The following ZNF709 variants were observed in gnomAD, a reference collection of about 807,000 sequenced individuals.
The protein encoded by ZNF709 is zinc finger protein 709.
ZNF709 carries 15 observed loss-of-function variants against 10.6 expected under a neutral mutation model. The observed-to-expected ratio is 1.41, with a 90% CI of 0.95 to 2.18. ZNF709 has a LOEUF of 2.18. ZNF709 is among the 30% of genes most tolerant of loss of function. The pLI, the probability that ZNF709 is intolerant of heterozygous loss-of-function variation, is 0.00. For synonymous variants in ZNF709, 194 were observed against 238.8 expected, an observed-to-expected ratio of 0.81 and a Z score of 1.73; for missense variants, 589 against 774.0, an observed-to-expected ratio of 0.76 and a Z score of 2.84.
intron 1 of ZNF709, among the ~76,000 whole-genome samples, chr19:12,474,128 C>A (rs1014764218): frequency 7.9e-5 from 12 of 152,128 alleles, no homozygotes; most frequent in Non-Finnish European, 1.3e-4. Flanking sequence ...AGGTACTATG[C>A]CATATAGTAG....
intron 1 of ZNF709, among the ~76,000 whole-genome samples, chr19:12,473,347 C>T (rs1415605296): frequency 5.3e-5 from 8 of 152,266 alleles, no homozygotes; most frequent in Middle Eastern, 3.4e-3. Flanking sequence ...TCCACTAATA[C>T]TCATGTATTT....
intron 3 of ZNF709, 69 bp from the exon 4 acceptor site, chr19:12,465,802 G>T (rs1970565433): frequency 8.3e-7 from 1 of 1,199,158 alleles, no homozygotes; most frequent in Non-Finnish European, 1.1e-6. Flanking sequence ...TATAATTATT[G>T]ATTATTTCAC....
At chr19:12,467,565 C>A (rs1324493708) in intron 1 of ZNF709, among the ~76,000 whole-genome samples, 1 of 152,184 alleles carries the variant, frequency 6.6e-6, no homozygotes, top group Non-Finnish European at 1.5e-5. Context: ...GCTGCCACCC[C>A]GTCTGGGAAG....
intron 1 of ZNF709, among the ~76,000 whole-genome samples, chr19:12,484,155 T>G (rs4804706): frequency 0.26 from 39,614 of 152,016 alleles, 5,331 homozygotes; most frequent in South Asian, 0.37. Flanking sequence ...ATCTAGAAAT[T>G]TAGGGATTTA....
At chr19:12,466,279 G>C (rs1019131487) in intron 3 of ZNF709, among the ~76,000 whole-genome samples, 183 bp downstream of exon 3, 10 of 152,060 alleles carry the variant, frequency 6.6e-5, no homozygotes, top group Non-Finnish European at 1.2e-4. Flanking sequence ...TTGTTTCCAG[G>C]TGAAATATTT....
chr19:12,481,910 T>TAAA (rs34258868), intron 1 of ZNF709, among the ~76,000 whole-genome samples: 1 of 118,190 alleles, frequency 8.5e-6, no homozygotes, highest in Non-Finnish European at 1.7e-5. Flanking sequence ...GACACTGACT[T>TAAA]AAAAAAAAAA....
In ZNF709 at chr19:12,461,237, G is replaced by A. The variant is rs1599629696; in HGVS notation, c.*2759C>T. ...TCCTTGCAGAAAATTAAATAGACAA[G>A]TGATAGCATACAAGTTATTTGAAAA... On this transcript the variant is annotated 3_prime_UTR_variant, in exon 4 of 4. Transcript: ENST00000397732. 1 of 152,250 alleles carries A rather than the reference G, an allele frequency of 6.6e-6. No homozygotes were observed. The highest frequency in any genetic ancestry group is 1.9e-4 in the East Asian group (1 of 5,192). The allele number at this position is 152,250 out of a possible 1,614,324, so 9.4% of individuals were successfully genotyped here. A position where few individuals can be genotyped will look rare whatever the true frequency, so the allele number is the denominator to read the frequency against.
intron 1 of ZNF709, among the ~76,000 whole-genome samples, chr19:12,467,738 C>A (rs865957236): frequency 2.0e-5 from 3 of 151,174 alleles, no homozygotes; most frequent in African/African-American, 4.9e-5. Flanking sequence ...AGGTGGGGAG[C>A]GCCTCTGCCC....
At chr19:12,484,422 G>A (rs1423935406) in intron 1 of ZNF709, among the ~76,000 whole-genome samples, 2 of 152,196 alleles carry the variant, frequency 1.3e-5, no homozygotes, top group East Asian at 3.9e-4. Flanking sequence ...AGGGCTCCGG[G>A]ACTGGGGCCG....
intron 1 of ZNF709, among the ~76,000 whole-genome samples, chr19:12,479,042 C>T (rs1363399914): frequency 3.9e-5 from 6 of 152,182 alleles, no homozygotes; most frequent in African/African-American, 1.4e-4. Context: ...GTGGTTTATA[C>T]CTATAACACC....
chr19:12,482,530 C>G (rs1379458835), intron 1 of ZNF709, among the ~76,000 whole-genome samples: 1 of 152,144 alleles, frequency 6.6e-6, no homozygotes, highest in Non-Finnish European at 1.5e-5. Context: ...CCAGTTCATT[C>G]ATCCTGTGTC....
rs760281021 is a variant in ZNF709 at position 12,464,699 on chromosome 19, C to A, written c.1223G>T (p.Arg408Leu). The part of the protein sequence containing the change: ...GKAFSCSSSF[R>L]MHERTHTGEK... ...TCCAGTGTGAGTTCTTTCATGCATT[C>A]GAAAGGAACTGGAACAACTGAAGGC... The change falls in exon 4 of 4, where the codon CGA (arginine) becomes CTA (leucine). Residue 408 changes from arginine (R) to leucine (L), a missense_variant. Transcript: ENST00000397732. The A allele has an allele frequency of 6.2e-7, 1 of 1,613,520 alleles. No individual in the cohort carries two copies. Among genetic ancestry groups the A allele is most frequent in the Non-Finnish European group, 8.5e-7 (1 of 1,179,818 alleles).
At chr19:12,476,857 A>AT (rs964661493) in intron 1 of ZNF709, among the ~76,000 whole-genome samples, 62 of 149,452 alleles carry the variant, frequency 4.1e-4, no homozygotes, top group African/African-American at 5.4e-4. Context: ...TGTAAGCTCT[A>AT]TTTTTTTTTT....
intron 1 of ZNF709, among the ~76,000 whole-genome samples, chr19:12,474,281 C>T (rs1049697871): frequency 1.3e-5 from 2 of 152,184 alleles, no homozygotes; most frequent in African/African-American, 2.4e-5. Context: ...ATAAGTGAGA[C>T]TACAAAGAAT....
In ZNF709 at chr19:12,466,658, C is replaced by A. The variant is rs1308413289; in HGVS notation, c.130+66G>T. ...CCTTTCAACATTCTAAACCTTGGAA[C>A]CTTGCTGATGAGCAAGAAACACTTG... On this transcript the variant is annotated intron_variant, in intron 2 of 3. Coordinates refer to ENST00000397732, the MANE Select transcript of ZNF709 (RefSeq NM_152601.4). 1.9e-6 allele frequency: 3 copies of A among 1,611,220 alleles called. No individual in the cohort carries two copies. The African/African-American group carries it at 4.0e-5, about 22-fold the overall frequency.
At chr19:12,477,110 AT>A (rs1290306073) in intron 1 of ZNF709, among the ~76,000 whole-genome samples, 1 of 152,152 alleles carries the variant, frequency 6.6e-6, no homozygotes, top group Non-Finnish European at 1.5e-5. Context: ...CATGTTGGAT[AT>A]TGGTATAGGG....
At chr19:12,468,059 C>T (rs943803611) in intron 1 of ZNF709, among the ~76,000 whole-genome samples, 7 of 151,088 alleles carry the variant, frequency 4.6e-5, no homozygotes, top group Admixed American at 2.6e-4. Flanking sequence ...GCCGTCCCGT[C>T]CGGGAGGGAG....
intron 1 of ZNF709, among the ~76,000 whole-genome samples, chr19:12,468,022 G>C (rs1568246586): frequency 3.3e-5 from 5 of 151,322 alleles, no homozygotes; most frequent in Middle Eastern, 3.4e-3. Flanking sequence ...CCGGGAGGGA[G>C]GTGGGGGGTC....
At chr19:12,481,276 G>T in intron 1 of ZNF709, 2 of 727,926 alleles carry the variant, frequency 2.7e-6, no homozygotes, top group Non-Finnish European at 3.4e-6. Context: ...TGTTGCCCAG[G>T]CTGGATTGCA....
Sources: allele counts gnomAD v4.1 joint callset (sites outside exome capture counted in the v4.1 genomes callset), GRCh38; gene constraint gnomAD v4.1.1; transcripts MANE v1.5; gene names NCBI Gene and HGNC (gene_info 2026-07-23, HGNC 2026-07-21).